PLEKHB2: variants seen among roughly 807,000 people sequenced by gnomAD.
PLEKHB2 encodes pleckstrin homology domain containing B2, also known as pleckstrin homology domain-containing family B member 2.
A neutral mutation model predicts 36.5 loss-of-function variants in PLEKHB2; 31 were observed. The observed-to-expected ratio is 0.85, with a 90% CI of 0.64 to 1.15. PLEKHB2 has a LOEUF of 1.15. PLEKHB2 is among the 50% of genes most tolerant of loss of function. PLEKHB2 has a pLI of 0.00. For missense variants in PLEKHB2, 262 were observed against 295.3 expected (o/e 0.89, Z 0.83); for synonymous variants, 119 against 112.0 (o/e 1.06, Z -0.39).
chr2:131,116,625 G>A (rs188754404), intron 1 of PLEKHB2, among the ~76,000 whole-genome samples: 210 of 151,984 alleles, frequency 1.4e-3, no homozygotes, highest in Non-Finnish European at 2.4e-3. Flanking sequence ...CCAGCAACAG[G>A]GATAGTTGCC....
chr2:131,146,658 C>T lies in PLEKHB2; in HGVS notation c.554C>T (p.Ala185Val). 1 of 1,613,308 alleles carries T rather than the reference C, an allele frequency of 6.2e-7. No individual in the cohort carries two copies. Residue 185 changes from alanine to valine, a missense_variant, in exon 8 of 8, where the codon GCT becomes GTT. By Grantham distance (64) the Ala-to-Val change is moderately conservative (BLOSUM62 0). Coordinates refer to ENST00000693505, the MANE Select transcript of PLEKHB2 (RefSeq NM_001100623.2). ...TTAGGACTTTATGGACAGCAGCCTG[C>T]TAACCAAGTCATCATTCGAGAGCGC... ...PYAGLYGQQPANQVIIRERYR... is the reference protein window; with the variant it reads ...PYAGLYGQQPVNQVIIRERYR...
chr2:131,118,523 CGCTTGT>C (rs1696114390), intron 1 of PLEKHB2, among the ~76,000 whole-genome samples: 1 of 152,010 alleles, frequency 6.6e-6, no homozygotes, highest in Admixed American at 6.6e-5. Context: ...TGCCCACTTG[CGCTTGT>C]GCTAACCTTA....
At chr2:131,136,948 CTTT>C (rs749691633) in intron 6 of PLEKHB2, among the ~76,000 whole-genome samples, 3 of 134,134 alleles carry the variant, frequency 2.2e-5, no homozygotes, top group Admixed American at 7.2e-5. Flanking sequence ...TCTTTTCTTT[CTTT>C]TTTTTTTTTT....
intron 4 of PLEKHB2, among the ~76,000 whole-genome samples, chr2:131,129,790 A>G (rs1270529599): frequency 6.6e-6 from 1 of 152,046 alleles, no homozygotes; most frequent in African/African-American, 2.4e-5. Context: ...GGCGTGAGAG[A>G]CTGCTTTTTG....
At chr2:131,130,669 T>C (rs894900113) in intron 4 of PLEKHB2, 52 bp from the exon 5 acceptor site, 1 of 1,306,478 alleles carries the variant, frequency 7.7e-7, no homozygotes, top group Non-Finnish European at 1.1e-6. Flanking sequence ...GGTTTCAGAA[T>C]CATTGCAATG....
rs181817551 is a variant in PLEKHB2 at position 131,135,428 on chromosome 2, T to G, written c.423+2437T>G. Reference sequence around the variant, plus strand: ...TCCTTTTTCTGTAGATTCTTTGGGATATACTACATAGGCAATCATGTCATC... The same window carrying G: ...TCCTTTTTCTGTAGATTCTTTGGGAGATACTACATAGGCAATCATGTCATC... On this transcript the variant is annotated intron_variant, in intron 6 of 7. Transcript: ENST00000693505. Among the ~76,000 whole-genome samples the G allele has an allele frequency of 5.3e-5, 8 of 152,330 alleles. No individual in the cohort carries two copies. In the East Asian group the frequency reaches 1.2e-3, roughly 22 times the overall value.
intron 4 of PLEKHB2, among the ~76,000 whole-genome samples, chr2:131,130,153 C>T (rs1697534362): frequency 6.6e-6 from 1 of 152,086 alleles, no homozygotes; most frequent in Non-Finnish European, 1.5e-5. Flanking sequence ...AAGCTATTCT[C>T]CCACCTCAGC....
chr2:131,133,837 C>T (rs369509035), intron 6 of PLEKHB2, among the ~76,000 whole-genome samples: 19 of 151,664 alleles, frequency 1.3e-4, no homozygotes, highest in African/African-American at 4.1e-4. Context: ...GTTTTTCACT[C>T]AGTATTTGCC....
At chr2:131,113,838 T>A (rs1695581242) in intron 1 of PLEKHB2, among the ~76,000 whole-genome samples, 1 of 152,022 alleles carries the variant, frequency 6.6e-6, no homozygotes, top group African/African-American at 2.4e-5. Context: ...TCAGGGAGGG[T>A]CCCTGTCTGC....
intron 1 of PLEKHB2, among the ~76,000 whole-genome samples, chr2:131,110,193 T>C (rs986020423): frequency 6.6e-6 from 1 of 152,152 alleles, no homozygotes; most frequent in African/African-American, 2.4e-5. Flanking sequence ...TGACTTTTGA[T>C]CATAGAAGAC....
intron 3 of PLEKHB2, among the ~76,000 whole-genome samples, chr2:131,126,294 G>A (rs1317522935): frequency 6.6e-6 from 1 of 152,118 alleles, no homozygotes; most frequent in Admixed American, 6.6e-5. Context: ...TTGGGAGGCC[G>A]AGGTGGGTGG....
intron 2 of PLEKHB2, among the ~76,000 whole-genome samples, chr2:131,124,034 G>A (rs978114346): frequency 6.6e-6 from 1 of 151,888 alleles, no homozygotes; most frequent in Non-Finnish European, 1.5e-5. Context: ...TTGTAGAGAC[G>A]GGATCTTGCT....
At chr2:131,125,597 C>T (rs934637899) in intron 2 of PLEKHB2, among the ~76,000 whole-genome samples, 156 bp from the exon 3 acceptor site, 2 of 151,722 alleles carry the variant, frequency 1.3e-5, no homozygotes, top group South Asian at 2.1e-4. Context: ...CGCAGCTAAA[C>T]GGGAGGCTGA....
rs750582518 is a variant in PLEKHB2, at chr2:131,130,747, C to A, written c.320C>A (p.Ser107Tyr). ...GCCTGGAAATTTACACTCCAAGATT[C>A]TAGGACAAACACAGTAAGTTGCTAA... ...CLAWKFTLQDSRTNTAYVGSA... is the reference protein window; with the variant it reads ...CLAWKFTLQDYRTNTAYVGSA... Residue 107 changes from serine (S) to tyrosine (Y), a missense_variant, in exon 5 of 8, where the codon TCT becomes TAT. Physicochemically the swap from Ser to Tyr is moderately radical, Grantham distance 144 (BLOSUM62 -2). Coordinates refer to ENST00000693505, the MANE Select transcript of PLEKHB2 (RefSeq NM_001100623.2). 6.2e-7 allele frequency: 1 copy of A among 1,610,576 alleles called. No homozygotes were observed. The highest frequency in any genetic ancestry group is 1.1e-5 in the South Asian group (1 of 90,888).
At chr2:131,137,838 G>A (rs1023806501) in intron 6 of PLEKHB2, among the ~76,000 whole-genome samples, 4 of 151,644 alleles carry the variant, frequency 2.6e-5, no homozygotes, top group African/African-American at 9.7e-5. Context: ...GGATTTCTTT[G>A]GGATTATCCT....
chr2:131,139,496 G>A (rs1319830967), intron 6 of PLEKHB2, among the ~76,000 whole-genome samples: 1 of 152,222 alleles, frequency 6.6e-6, no homozygotes, highest in African/African-American at 2.4e-5. Flanking sequence ...GTCACAGAAC[G>A]ACATTAGTTG....
intron 7 of PLEKHB2, among the ~76,000 whole-genome samples, chr2:131,146,054 C>T (rs947630676): frequency 2.6e-5 from 4 of 151,750 alleles, no homozygotes; most frequent in Admixed American, 6.6e-5. Flanking sequence ...TGGTGGTGGG[C>T]GCCTATAGTC....
chr2:131,132,379 T>C (rs918078415), intron 5 of PLEKHB2, among the ~76,000 whole-genome samples: 6 of 152,174 alleles, frequency 3.9e-5, no homozygotes, highest in African/African-American at 9.7e-5. Context: ...TGATCTTGGC[T>C]CACTGCAGTC....
intron 6 of PLEKHB2, among the ~76,000 whole-genome samples, chr2:131,135,774 TA>T (rs200963599): frequency 8.9e-4 from 134 of 150,908 alleles, no homozygotes; most frequent in African/African-American, 2.7e-3. Flanking sequence ...CTAATTTTTT[TA>T]TTTTTTTTAT....
Sources: allele counts gnomAD v4.1 joint callset (sites outside exome capture counted in the v4.1 genomes callset), GRCh38; gene constraint gnomAD v4.1.1; transcripts MANE v1.5; gene names NCBI Gene and HGNC (gene_info 2026-07-23, HGNC 2026-07-21).